HECW1: variants seen among roughly 807,000 people sequenced by gnomAD.
HECW1 encodes HECT, C2 and WW domain containing E3 ubiquitin protein ligase 1.
Under a neutral mutation model 182.3 loss-of-function variants are expected in HECW1, and 61 were observed. That is an observed-to-expected ratio of 0.33 (90% CI 0.27 to 0.41). HECW1 has a LOEUF of 0.41. HECW1 is among the 10% of genes least tolerant of loss of function. The probability of loss-of-function intolerance (pLI) is 1.00; values close to 1 mark genes in which losing one functional copy is unlikely to be tolerated. For missense variants in HECW1, 1,739 were observed against 2,108.9 expected, an observed-to-expected ratio of 0.82 and a Z score of 3.44; for synonymous variants, 859 against 832.6, an observed-to-expected ratio of 1.03 and a Z score of -0.55.
chr7:43,215,855 C>G (rs1160814361), intron 2 of HECW1, among the ~76,000 whole-genome samples: 1 of 152,206 alleles, frequency 6.6e-6, no homozygotes, highest in Non-Finnish European at 1.5e-5. Context: ...TCTGCCATGT[C>G]TGTGCCTCTC....
At position 43,558,043 on chromosome 7, in the gene HECW1, C is replaced by T. The variant is rs1026717037; in HGVS notation, c.4709+3253C>T. Among the ~76,000 whole-genome samples, 16 of 152,298 alleles carry T rather than the reference C, an allele frequency of 1.1e-4. No individual in the cohort carries two copies. In the East Asian group the frequency reaches 2.7e-3, roughly 26 times the overall value. On this transcript the variant is annotated intron_variant, in intron 29 of 29. Coordinates refer to ENST00000395891, the MANE Select transcript of HECW1 (RefSeq NM_015052.5). The stretch of plus-strand genomic sequence containing the variant: ...GTGTGAAGAATGTCCATCCACGTCA[C>T]AGCGTGTGGGGCAGTGAGCAATTTC...
At chr7:43,131,051 A>C (rs918006180) in intron 2 of HECW1, among the ~76,000 whole-genome samples, 28 of 151,764 alleles carry the variant, frequency 1.8e-4, no homozygotes, top group African/African-American at 6.5e-4. Flanking sequence ...GAATCACTGG[A>C]GGTCAGGAGT....
At chr7:43,261,023 G>A (rs1390220617) in intron 3 of HECW1, among the ~76,000 whole-genome samples, 3 of 152,148 alleles carry the variant, frequency 2.0e-5, no homozygotes, top group African/African-American at 7.2e-5. Context: ...TAATTAACTT[G>A]CCCAAAGCAT....
At chr7:43,550,393 T>C in intron 26 of HECW1, 52 bp from the exon 27 acceptor site, 1 of 1,606,488 alleles carries the variant, frequency 6.2e-7, no homozygotes, top group Non-Finnish European at 8.5e-7. Context: ...TGTGCCTCCC[T>C]GAGAGATAAG....
At chr7:43,250,952 G>A (rs58745413) in intron 3 of HECW1, among the ~76,000 whole-genome samples, 9,817 of 152,188 alleles carry the variant, frequency 0.065, 480 homozygotes, top group East Asian at 0.18. Flanking sequence ...CTCCTACTTA[G>A]CTCACCTCCT....
intron 5 of HECW1, among the ~76,000 whole-genome samples, chr7:43,355,618 C>CAA (rs59685030): frequency 0.02 from 2,953 of 151,122 alleles, 86 homozygotes; most frequent in African/African-American, 0.069. Flanking sequence ...AAATAAAAAG[C>CAA]AAAAAAACAT....
In HECW1 at chr7:43,299,629, A is replaced by C. The variant is rs551282247; in HGVS notation, c.28-12134A>C. 3.9e-5 allele frequency among the ~76,000 whole-genome samples: 6 copies of C among 152,354 alleles called. No individual in the cohort carries two copies. The South Asian group carries it at 8.3e-4, about 21-fold the overall frequency. ...GATTAGCTGTGTGGAAAATGTCAGAAGAGACTTTCTGTTAAATATGTTAAA... is the reference window on the plus strand; with the variant it reads ...GATTAGCTGTGTGGAAAATGTCAGACGAGACTTTCTGTTAAATATGTTAAA... On this transcript the variant is annotated intron_variant, in intron 3 of 29. Transcript: ENST00000395891.
intron 12 of HECW1, among the ~76,000 whole-genome samples, chr7:43,455,127 C>CTTT (rs139339162): frequency 2.0e-5 from 3 of 151,292 alleles, no homozygotes; most frequent in African/African-American, 7.3e-5. Flanking sequence ...TTTTTGTTTT[C>CTTT]TTTTTTTTTG....
At chr7:43,225,120 A>G (rs765341638) in intron 2 of HECW1, among the ~76,000 whole-genome samples, 13 of 152,144 alleles carry the variant, frequency 8.5e-5, no homozygotes, top group Non-Finnish European at 1.5e-4. Context: ...GGGCCTGGAG[A>G]TCCTGGAGAT....
At chr7:43,386,712 C>G (rs983280798) in intron 6 of HECW1, among the ~76,000 whole-genome samples, 1 of 152,178 alleles carries the variant, frequency 6.6e-6, no homozygotes, top group African/African-American at 2.4e-5. Flanking sequence ...GTTGTAAGCC[C>G]TCATCTCAGG....
At position 43,501,081 on chromosome 7, in the gene HECW1, A is replaced by G. The variant is rs2079333591; in HGVS notation, c.3522-132A>G. 4 of 617,778 alleles carry G rather than the reference A, an allele frequency of 6.5e-6. No individual in the cohort carries two copies. In the East Asian group the frequency reaches 1.1e-4, roughly 17 times the overall value. 38.3% of individuals were successfully genotyped at this position (617,778 alleles called of 1,614,324 possible). ...GCATGTACCTATCTTTCTGTACTAC[A>G]TTTAAATCTAATTGCTTTTGTTGCT... is the stretch of plus-strand genomic sequence containing the variant. On this transcript the variant is annotated intron_variant, in intron 20 of 29. Transcript: ENST00000395891.
At chr7:43,178,669 A>G (rs1792505085) in intron 2 of HECW1, among the ~76,000 whole-genome samples, 2 of 152,150 alleles carry the variant, frequency 1.3e-5, no homozygotes, top group African/African-American at 4.8e-5. Flanking sequence ...TCCCTAATTT[A>G]AAGGTGAGAA....
At chr7:43,421,474 T>C (rs1280264349) in intron 8 of HECW1, among the ~76,000 whole-genome samples, 1 of 152,178 alleles carries the variant, frequency 6.6e-6, no homozygotes, top group Non-Finnish European at 1.5e-5. Context: ...CCACCGTTCA[T>C]CAAAACTTTA....
At chr7:43,203,741 C>A (rs918988045) in intron 2 of HECW1, among the ~76,000 whole-genome samples, 12 of 152,158 alleles carry the variant, frequency 7.9e-5, no homozygotes, top group African/African-American at 2.9e-4. Context: ...CTGGTGGTAG[C>A]CACCGCTCCC....
Position 43,497,030 on chromosome 7 carries a change from A to G in HECW1, c.3438-3669A>G, listed in dbSNP as rs560509753. On this transcript the variant is annotated intron_variant, in intron 19 of 29. Transcript: ENST00000395891. ...CTTGGGGTTTGTTTTTTTAAGCCAT[A>G]TACAGCTGCATAATATGTTAAGTGC... is the stretch of plus-strand genomic sequence containing the variant. 1.3e-3 allele frequency among the ~76,000 whole-genome samples: 204 copies of G among 152,308 alleles called. 3 individuals carry two copies. In the South Asian group the frequency reaches 0.021, roughly 15 times the overall value.
intron 3 of HECW1, among the ~76,000 whole-genome samples, chr7:43,297,762 G>A (rs554850754): frequency 6.6e-6 from 1 of 152,106 alleles, no homozygotes; most frequent in South Asian, 2.1e-4. Flanking sequence ...AAACAACATA[G>A]TGATTTTTCT....
At position 43,460,471 on chromosome 7, in the gene HECW1, A is replaced by T. The variant is rs147885686; in HGVS notation, c.2652-3189A>T. 6.1e-3 allele frequency among the ~76,000 whole-genome samples: 920 copies of T among 151,032 alleles called. 7 individuals are homozygous for T. The highest frequency in any genetic ancestry group is 0.021 in the African/African-American group (876 of 41,020). On this transcript the variant is annotated intron_variant, in intron 13 of 29. Coordinates refer to ENST00000395891, the MANE Select transcript of HECW1 (RefSeq NM_015052.5). ...AGGGGGGAGGTTGTGTAGTTGGCTG[A>T]TTGGTTTGGCTTGGTTTTGGAGGGC...
At chr7:43,457,219 C>CT (rs1281963570) in intron 13 of HECW1, among the ~76,000 whole-genome samples, 1 of 152,174 alleles carries the variant, frequency 6.6e-6, no homozygotes, top group Non-Finnish European at 1.5e-5. Context: ...ACATCTTGCT[C>CT]TTTAAGACTG....
At chr7:43,294,377 G>T (rs1409815311) in intron 3 of HECW1, among the ~76,000 whole-genome samples, 1 of 152,180 alleles carries the variant, frequency 6.6e-6, no homozygotes, top group East Asian at 1.9e-4. Flanking sequence ...GGGGGGAGGG[G>T]GGAGGATGAG....
Sources: allele counts gnomAD v4.1 joint callset (sites outside exome capture counted in the v4.1 genomes callset), GRCh38; gene constraint gnomAD v4.1.1; transcripts MANE v1.5; gene names NCBI Gene and HGNC (gene_info 2026-07-23, HGNC 2026-07-21).